The following DPP10 variants were observed in gnomAD, a reference collection of about 807,000 sequenced individuals.
DPP10 encodes the protein dipeptidyl peptidase like 10.
In DPP10, 33 loss-of-function variants were observed where a neutral mutation model predicts 120.9. The observed-to-expected ratio is 0.27, with a 90% CI of 0.21 to 0.37. The LOEUF (loss-of-function observed/expected upper bound fraction) is 0.37, where lower values mean the gene tolerates loss of function less well. Ranked by LOEUF, DPP10 falls within the 10% of genes least tolerant of loss-of-function variation. DPP10 has a pLI of 1.00. For synonymous variants in DPP10, 337 were observed against 326.1 expected, an observed-to-expected ratio of 1.03 and a Z score of -0.36; for missense variants, 816 against 942.8, an observed-to-expected ratio of 0.87 and a Z score of 1.76.
chr2:115,023,762 A>G, intron 1 of DPP10, among the ~76,000 whole-genome samples: 1 of 152,200 alleles, frequency 6.6e-6, no homozygotes, highest in East Asian at 1.9e-4. Flanking sequence ...ATGCCCATCA[A>G]TCAACGAGTA....
chr2:115,253,232 A>G (rs1274631530), intron 1 of DPP10, among the ~76,000 whole-genome samples: 3 of 152,170 alleles, frequency 2.0e-5, no homozygotes, highest in Non-Finnish European at 4.4e-5. Flanking sequence ...GCACCAAACC[A>G]TGAGGGAGCC....
intron 3 of DPP10, among the ~76,000 whole-genome samples, chr2:115,462,989 G>A (rs1469435270): frequency 6.6e-6 from 1 of 152,084 alleles, no homozygotes; most frequent in African/African-American, 2.4e-5. Flanking sequence ...CTCAGCCTCC[G>A]AAAGTGCTGG....
chr2:114,983,420 A>T (rs184043083), intron 1 of DPP10, among the ~76,000 whole-genome samples: 37 of 152,330 alleles, frequency 2.4e-4, no homozygotes, highest in African/African-American at 8.7e-4. Flanking sequence ...TATTTCTTAA[A>T]TCTCAACTAA....
At chr2:114,918,399 A>G (rs1299779536) in intron 1 of DPP10, among the ~76,000 whole-genome samples, 4 of 152,174 alleles carry the variant, frequency 2.6e-5, no homozygotes, top group African/African-American at 7.2e-5. Flanking sequence ...ATATTCTCAT[A>G]GAAATGAAAA....
Position 114,459,748 on chromosome 2 carries a change from A to C in DPP10, c.60+16910A>C, listed in dbSNP as rs535140161. 3.0e-3 allele frequency among the ~76,000 whole-genome samples: 463 copies of C among 152,266 alleles called. 3 individuals carry two copies. Among genetic ancestry groups the C allele is most frequent in the African/African-American group, 0.011 (451 of 41,566 alleles). On this transcript the variant is annotated intron_variant, in intron 1 of 25. Coordinates refer to ENST00000410059, the MANE Select transcript of DPP10 (RefSeq NM_020868.6). The stretch of plus-strand genomic sequence containing the variant: ...TTTACTATGGAATCTTTGTTTCAAT[A>C]GTTGTTTTTTATTTTATATGTGACT...
chr2:115,154,087 C>T (rs1443630235), intron 1 of DPP10, among the ~76,000 whole-genome samples: 1 of 152,002 alleles, frequency 6.6e-6, no homozygotes, highest in African/African-American at 2.4e-5. Context: ...TTTCTATTGA[C>T]TTTATGGTCC....
intron 1 of DPP10, among the ~76,000 whole-genome samples, chr2:114,889,611 A>G (rs1692377039): frequency 6.6e-6 from 1 of 152,052 alleles, no homozygotes; most frequent in South Asian, 2.1e-4. Flanking sequence ...TAGTTTCATA[A>G]GGCTATTTTT....
At chr2:114,535,417 C>A (rs1331369671) in intron 1 of DPP10, among the ~76,000 whole-genome samples, 1 of 152,126 alleles carries the variant, frequency 6.6e-6, no homozygotes, top group Non-Finnish European at 1.5e-5. Context: ...CTCTCTACCT[C>A]GTAATTTCCT....
chr2:115,582,711 C>T (rs992969357), intron 5 of DPP10, among the ~76,000 whole-genome samples: 2 of 152,096 alleles, frequency 1.3e-5, no homozygotes, highest in African/African-American at 2.4e-5. Flanking sequence ...GAGCAACAGC[C>T]GTATGTAACT....
chr2:115,813,806 A>G (rs1207264696), intron 19 of DPP10, among the ~76,000 whole-genome samples: 2 of 152,212 alleles, frequency 1.3e-5, no homozygotes, highest in Non-Finnish European at 2.9e-5. Context: ...AAACATTCAC[A>G]TAAAGAGGAA....
intron 1 of DPP10, among the ~76,000 whole-genome samples, chr2:114,736,079 A>T (rs1400706817): frequency 6.6e-6 from 1 of 151,900 alleles, no homozygotes; most frequent in Non-Finnish European, 1.5e-5. Flanking sequence ...GGAGGATTGA[A>T]GTGAAAATGA....
intron 1 of DPP10, among the ~76,000 whole-genome samples, chr2:114,936,472 T>TA (rs1696490204): frequency 6.6e-6 from 1 of 151,820 alleles, no homozygotes. Flanking sequence ...AACATATATA[T>TA]TTTTTTATCC....
At chr2:115,309,860 A>G (rs1414269633) in intron 2 of DPP10, among the ~76,000 whole-genome samples, 1 of 152,098 alleles carries the variant, frequency 6.6e-6, no homozygotes, top group Non-Finnish European at 1.5e-5. Flanking sequence ...TTTACATTCT[A>G]AGTTTCTACC....
intron 1 of DPP10, among the ~76,000 whole-genome samples, chr2:115,008,079 T>A (rs1260045095): frequency 3.4e-5 from 5 of 145,420 alleles, no homozygotes; most frequent in Admixed American, 1.4e-4. Flanking sequence ...AAAAACTACT[T>A]TAAAGTTCAT....
Position 115,343,144 on chromosome 2 carries a change from C to G in DPP10, c.176-673C>G, listed in dbSNP as rs118025174. ...TGTTTGTAATGCTGATTTTAGTATT[C>G]AAGTCCTGTTATCTTTTCATTTCTT... is the stretch of plus-strand genomic sequence containing the variant. On this transcript the variant is annotated intron_variant, in intron 2 of 25. Coordinates refer to ENST00000410059, the MANE Select transcript of DPP10 (RefSeq NM_020868.6). 1.5e-3 allele frequency among the ~76,000 whole-genome samples: 222 copies of G among 152,240 alleles called. 4 individuals are homozygous for G. In the East Asian group the frequency reaches 0.036, roughly 25 times the overall value.
chr2:115,279,644 T>TCTTTC (rs1216249702), intron 1 of DPP10, among the ~76,000 whole-genome samples: 1 of 144,896 alleles, frequency 6.9e-6, no homozygotes, highest in African/African-American at 2.5e-5. Flanking sequence ...TTTCTTTCTT[T>TCTTTC]TTTTCTTCTT....
At chr2:115,689,421 AT>A (rs1223449690) in intron 5 of DPP10, among the ~76,000 whole-genome samples, 5 of 152,322 alleles carry the variant, frequency 3.3e-5, no homozygotes, top group African/African-American at 1.2e-4. Flanking sequence ...GCAATAGGGC[AT>A]TAGTGAAAAT....
At chr2:115,836,119 G>T (rs62157982) in intron 21 of DPP10, 38 bp from the exon 22 acceptor site, 44,607 of 702,484 alleles carry the variant, frequency 0.063, 881 homozygotes, top group African/African-American at 0.11. Context: ...GTGTGTGTGA[G>T]ATATATATAT....
chr2:115,329,705 C>T (rs1009029189), intron 2 of DPP10, among the ~76,000 whole-genome samples: 11 of 151,960 alleles, frequency 7.2e-5, no homozygotes, highest in South Asian at 2.1e-4. Context: ...TTTGTCTTTG[C>T]GACAGTTTGC....
Sources: gnomAD v4.1 joint callset for allele counts (sites outside exome capture counted in the v4.1 genomes callset) on GRCh38, gnomAD v4.1.1 for gene constraint, MANE v1.5 for transcripts, NCBI Gene and HGNC (gene_info 2026-07-23, HGNC 2026-07-21) for gene names.